Variants in PTPRN2 observed in about 807,000 individuals in gnomAD.
The protein encoded by PTPRN2 is receptor-type tyrosine-protein phosphatase N2.
PTPRN2 carries 74 observed loss-of-function variants against 118.8 expected under a neutral mutation model. The observed-to-expected ratio is 0.62, with a 90% CI of 0.52 to 0.76. The LOEUF is 0.76. Ranked by LOEUF, PTPRN2 falls within the 30% of genes least tolerant of loss-of-function variation. PTPRN2 has a pLI of 0.00. For synonymous variants in PTPRN2, 641 were observed against 608.0 expected, an observed-to-expected ratio of 1.05 and a Z score of -0.80; for missense variants, 1,481 against 1,394.4, an observed-to-expected ratio of 1.06 and a Z score of -0.99.
Position 158,418,091 on chromosome 7 carries a change from G to A in PTPRN2, c.163+71644C>T, listed in dbSNP as rs374838057. Among the ~76,000 whole-genome samples the A allele has an allele frequency of 4.8e-4, 73 of 151,530 alleles. 2 individuals are homozygous for A. The South Asian group carries it at 0.015, about 31-fold the overall frequency. ...ATGCTCTAGCTTTCAGTGTCCCACT[G>A]TGTTAAGTCACGGTGTACTACATCG... On this transcript the variant is annotated intron_variant, in intron 2 of 22. Coordinates refer to ENST00000389418, the MANE Select transcript of PTPRN2 (RefSeq NM_002847.5).
In PTPRN2 at chr7:158,234,751, C is replaced by T. The variant is rs536929243; in HGVS notation, c.278-29478G>A. Among the ~76,000 whole-genome samples, 15 of 152,308 alleles carry T rather than the reference C, an allele frequency of 9.8e-5. No homozygotes were observed. In the East Asian group the frequency reaches 2.5e-3, roughly 25 times the overall value. On this transcript the variant is annotated intron_variant, in intron 3 of 22. Coordinates refer to ENST00000389418, the MANE Select transcript of PTPRN2 (RefSeq NM_002847.5). ...AAAATCACAATGAGATATCATCCCA[C>T]TCCCGTTAAAATGGCTTTTTTTTTC...
intron 9 of PTPRN2, among the ~76,000 whole-genome samples, chr7:158,132,238 G>C (rs925672646): frequency 6.9e-6 from 1 of 145,072 alleles, no homozygotes; most frequent in Admixed American, 6.9e-5. Flanking sequence ...ACATCATACG[G>C]ATAACACATC....
chr7:157,554,889 AG>A (rs1331830160), intron 21 of PTPRN2, among the ~76,000 whole-genome samples: 1 of 151,426 alleles, frequency 6.6e-6, no homozygotes, highest in Non-Finnish European at 1.5e-5. Context: ...CTACTTGACC[AG>A]GTTTAATTCG....
chr7:158,379,031 C>T (rs559270321), intron 2 of PTPRN2, among the ~76,000 whole-genome samples: 25 of 149,466 alleles, frequency 1.7e-4, no homozygotes, highest in South Asian at 6.8e-4. Flanking sequence ...GAAGAGCTCC[C>T]TGCAGGGTGA....
chr7:158,423,726 G>T (rs1306939413), intron 2 of PTPRN2, among the ~76,000 whole-genome samples: 1 of 141,560 alleles, frequency 7.1e-6, no homozygotes, highest in Admixed American at 7.6e-5. Context: ...AACCAGGCTG[G>T]TCTCAAACTC....
rs201378289 is a variant in PTPRN2, at chr7:157,609,405, T to TA, written c.2345-5331dup. On this transcript the variant is annotated intron_variant, in intron 15 of 22. Coordinates refer to ENST00000389418, the MANE Select transcript of PTPRN2 (RefSeq NM_002847.5). The surrounding 1 kb of genome is among the most constrained non-coding windows in gnomAD (Gnocchi z 4.9). Reference sequence around the variant, plus strand: ...TCTCAAAAAAATTTTTTTTTAAATATAAAAAAAAAGAGTATTTCAAATTTC... The same window carrying TA: ...TCTCAAAAAAATTTTTTTTTAAATATAAAAAAAAAAGAGTATTTCAAATTTC... Among the ~76,000 whole-genome samples the TA allele has an allele frequency of 4.0e-4, 60 of 150,824 alleles. No homozygotes were observed. Among genetic ancestry groups the TA allele is most frequent in the African/African-American group, 7.5e-4 (31 of 41,074 alleles).
At chr7:158,087,698 C>T (rs552494977) in intron 10 of PTPRN2, among the ~76,000 whole-genome samples, 25 of 131,772 alleles carry the variant, frequency 1.9e-4, no homozygotes, top group African/African-American at 8.0e-4. Context: ...CCTTCTTCCC[C>T]TGATGAAGGA....
intron 12 of PTPRN2, among the ~76,000 whole-genome samples, chr7:157,722,490 G>A (rs1443578731): frequency 6.6e-6 from 1 of 152,212 alleles, no homozygotes; most frequent in Non-Finnish European, 1.5e-5. Context: ...CCCGTGGGTG[G>A]TGCAGACGAG....
chr7:158,163,403 C>G (rs753246740), intron 6 of PTPRN2, among the ~76,000 whole-genome samples: 1 of 148,510 alleles, frequency 6.7e-6, no homozygotes, highest in Non-Finnish European at 1.5e-5. Flanking sequence ...GATGCCTGCA[C>G]GGGGTTCTCA....
intron 11 of PTPRN2, among the ~76,000 whole-genome samples, chr7:158,071,790 G>T (rs1439340146): frequency 8.3e-6 from 1 of 120,318 alleles, no homozygotes; most frequent in African/African-American, 3.4e-5. Flanking sequence ...TGTGGTGGTG[G>T]AGGTGCTCCT....
chr7:157,670,911 G>T (rs758962907), intron 13 of PTPRN2, among the ~76,000 whole-genome samples: 2 of 151,900 alleles, frequency 1.3e-5, no homozygotes, highest in Non-Finnish European at 2.9e-5. Context: ...ACGGGCAGCT[G>T]TTTTTTTTAC....
intron 11 of PTPRN2, among the ~76,000 whole-genome samples, chr7:158,067,645 C>A (rs1322516689): frequency 6.6e-6 from 1 of 152,152 alleles, no homozygotes; most frequent in African/African-American, 2.4e-5. Context: ...GGGCAGTCCA[C>A]CGTGACCACG....
At chr7:158,387,077 G>C (rs1305350387) in intron 2 of PTPRN2, among the ~76,000 whole-genome samples, 3 of 152,128 alleles carry the variant, frequency 2.0e-5, no homozygotes, top group South Asian at 2.1e-4. Context: ...ATGTGTTCTA[G>C]AACACGGGAG....
chr7:158,181,577 G>A (rs1306527737), intron 5 of PTPRN2, among the ~76,000 whole-genome samples: 1 of 152,018 alleles, frequency 6.6e-6, no homozygotes, highest in Non-Finnish European at 1.5e-5. Flanking sequence ...GGCTTTTTTT[G>A]TTATGGGCAA....
chr7:157,779,050 T>C lies in PTPRN2; in HGVS notation c.1789-96113A>G, dbSNP rs1721337756. Among the ~76,000 whole-genome samples the C allele has an allele frequency of 2.0e-5, 3 of 152,140 alleles. No homozygotes were observed. The South Asian group carries it at 6.2e-4, about 32-fold the overall frequency. On this transcript the variant is annotated intron_variant, in intron 12 of 22. Coordinates refer to ENST00000389418, the MANE Select transcript of PTPRN2 (RefSeq NM_002847.5). This position sits in a 1 kb window ranked among gnomAD's most constrained non-coding sequence, Gnocchi z 4.7. ...CCAGGTGGCCGTGTTCTCTGAGGGG[T>C]TGTGCCGGGGTCTTCAGACAGTGCC...
chr7:158,085,695 C>A (rs1813323653), intron 10 of PTPRN2, among the ~76,000 whole-genome samples: 1 of 144,836 alleles, frequency 6.9e-6, no homozygotes, highest in South Asian at 2.2e-4. Context: ...CACCCATCCA[C>A]ACAGATACCC....
chr7:158,247,114 G>A (rs1796304757), intron 3 of PTPRN2, among the ~76,000 whole-genome samples: 1 of 152,206 alleles, frequency 6.6e-6, no homozygotes, highest in Admixed American at 6.5e-5. Context: ...ATGAGGAGGT[G>A]TGGGCTTCCC....
At chr7:158,352,502 C>G (rs1808079450) in intron 2 of PTPRN2, among the ~76,000 whole-genome samples, 1 of 152,244 alleles carries the variant, frequency 6.6e-6, no homozygotes, top group African/African-American at 2.4e-5. Flanking sequence ...TGCCTGGACC[C>G]TGAGGTGGGT....
chr7:157,914,504 CATGTGTAAG>C (rs1242399580), intron 11 of PTPRN2, among the ~76,000 whole-genome samples: 1 of 152,122 alleles, frequency 6.6e-6, no homozygotes, highest in South Asian at 2.1e-4. Flanking sequence ...ACTCATGGAT[CATGTGTAAG>C]ATGTGTAAGA....
Sources: gnomAD v4.1 joint callset for allele counts (sites outside exome capture counted in the v4.1 genomes callset) on GRCh38, gnomAD v4.1.1 for gene constraint, Gnocchi (gnomAD v3.1) non-coding constraint, MANE v1.5 for transcripts, NCBI Gene and HGNC (gene_info 2026-07-23, HGNC 2026-07-21) for gene names.